Variants in TAF1 observed in about 807,000 individuals in gnomAD.
TAF1 encodes the protein TATA-box binding protein associated factor 1.
In TAF1, 2 loss-of-function variants were observed where a neutral mutation model predicts 138.5. The ratio of observed to expected loss-of-function variants is 0.01; its 90% CI spans 0.01 to 0.05. The LOEUF (loss-of-function observed/expected upper bound fraction) is 0.05. TAF1 is among the 10% of genes least tolerant of loss of function. The probability of loss-of-function intolerance (pLI) is 1.00; values close to 1 mark genes in which losing one functional copy is unlikely to be tolerated. For missense variants in TAF1, 709 were observed against 1,478.0 expected (o/e 0.48, Z 8.53); for synonymous variants, 437 against 503.2 (o/e 0.87, Z 1.76).
chrX:71,454,095 A>T, intron 32 of TAF1, 75 bp from the exon 33 acceptor site: 1 of 915,757 alleles, frequency 1.1e-6, no homozygotes, highest in Non-Finnish European at 1.6e-6. Context: ...ATAATGGGAC[A>T]CACTGCTGAT....
intron 28 of TAF1, among the ~76,000 whole-genome samples, chrX:71,412,051 G>C (rs773044671): frequency 1.8e-5 from 2 of 110,179 alleles, no homozygotes; most frequent in Non-Finnish European, 3.8e-5. Flanking sequence ...GAGCCACCAC[G>C]CCCGGCTGGC....
rs1326654240 is a variant in TAF1 at position 71,375,259 on chromosome X, G to A, written c.445G>A (p.Asp149Asn). The change falls in exon 4 of 38, where the codon GAT becomes AAT. Residue 149 changes from aspartate (D) to asparagine (N), a missense_variant. Coordinates refer to ENST00000423759, the MANE Select transcript of TAF1 (RefSeq NM_004606.5). ...PPPPPGPMKK[D>N]KDQDSITGVS... The stretch of plus-strand genomic sequence containing the variant: ...TCCACCCCCGGGACCAATGAAGAAG[G>A]ATAAGGACCAGGATTCTATTACTGG... The A allele has an allele frequency of 2.5e-6, 3 of 1,207,135 alleles. No homozygotes were observed. The African/African-American group carries it at 5.3e-5, about 21-fold the overall frequency.
chrX:71,425,463 C>T (rs962338453), intron 32 of TAF1, among the ~76,000 whole-genome samples: 1 of 110,928 alleles, frequency 9.0e-6, no homozygotes, highest in Non-Finnish European at 1.9e-5. Context: ...CAAGACCTTC[C>T]TTGTCTGTAT....
At chrX:71,454,003 T>C (rs1001405770) in intron 32 of TAF1, among the ~76,000 whole-genome samples, 167 bp from the exon 33 acceptor site, 1 of 112,253 alleles carries the variant, frequency 8.9e-6, no homozygotes, top group Non-Finnish European at 1.9e-5. Context: ...AGTGTTGTAT[T>C]GCATATGTTT....
At chrX:71,454,136 CA>C (rs1341540706) in intron 32 of TAF1, 33 bp from the exon 33 acceptor site, 1 of 1,160,857 alleles carries the variant, frequency 8.6e-7, no homozygotes, top group Non-Finnish European at 1.2e-6. Flanking sequence ...AACAAGTCTG[CA>C]AAGATAATGG....
chrX:71,513,939 A>G (rs1231931220), intron 13 of TAF1, among the ~76,000 whole-genome samples: 2 of 111,440 alleles, frequency 1.8e-5, no homozygotes, highest in Non-Finnish European at 3.8e-5. Flanking sequence ...AAATGGACCA[A>G]TCAGCAGGAT....
chrX:71,376,250 ATGT>A (rs2033464715), intron 4 of TAF1, among the ~76,000 whole-genome samples: 1 of 111,834 alleles, frequency 8.9e-6, no homozygotes, highest in Admixed American at 9.5e-5. Flanking sequence ...AAGAACCTTA[ATGT>A]TGTCCCGTGG....
chrX:71,483,780 C>CTATATATATATA (rs1556022684), intron 13 of TAF1, among the ~76,000 whole-genome samples: 5 of 37,568 alleles, frequency 1.3e-4, no homozygotes, highest in African/African-American at 2.5e-4. Context: ...CTCTCTCTCT[C>CTATATATATATA]TATATATATA....
At chrX:71,408,234 A>T in intron 28 of TAF1, 83 bp downstream of exon 28, 5 of 1,036,718 alleles carry the variant, frequency 4.8e-6, no homozygotes, top group Non-Finnish European at 6.6e-6. Context: ...ACTAGATTGG[A>T]CTGAGAGGAC....
chrX:71,397,566 T>G, intron 23 of TAF1, 100 bp downstream of exon 23: 1 of 968,489 alleles, frequency 1.0e-6, no homozygotes, highest in East Asian at 3.1e-5. Flanking sequence ...CATTGCAACC[T>G]CCATCTCTCA....
rs1464984108 is a variant in TAF1, at chrX:71,522,954, A to G, written c.1367-5588A>G. 8.3e-5 allele frequency among the ~76,000 whole-genome samples: 9 copies of G among 109,014 alleles called. No individual in the cohort carries two copies. The East Asian group carries it at 1.4e-3, about 17-fold the overall frequency. 94.7% of individuals were successfully genotyped at this position (109,014 alleles called of 115,157 possible). A position where few individuals can be genotyped will look rare whatever the true frequency, so the allele number is the denominator to read the frequency against. Reference sequence around the variant, plus strand: ...CCCAGCACTTTGGGAGGCCGAGGCAAGGAGATCACCTGAGCTCAGGAGTTC... The same window carrying G: ...CCCAGCACTTTGGGAGGCCGAGGCAGGGAGATCACCTGAGCTCAGGAGTTC... On this transcript the variant is annotated intron_variant and NMD_transcript_variant, in intron 13 of 14. Coordinates refer to the TAF1 transcript ENST00000373775.
intron 32 of TAF1, among the ~76,000 whole-genome samples, chrX:71,438,129 GC>G (rs1425649863): frequency 9.0e-6 from 1 of 111,022 alleles, no homozygotes; most frequent in Non-Finnish European, 1.9e-5. Context: ...GAGCCATCAT[GC>G]CCAGCCGTCA....
rs188738606 is a variant in TAF1, at chrX:71,388,629, G to A, written c.2570-109G>A. 6.7e-5 allele frequency: 72 copies of A among 1,068,182 alleles called. No individual in the cohort carries two copies. The Admixed American group carries it at 1.1e-3, about 16-fold the overall frequency. The allele number at this position is 1,068,182 out of a possible 1,213,427, so 88.0% of individuals were successfully genotyped here. ...GTTTTCTTGGCCAGTCATGCCAACT[G>A]TGGCTAGGCCTGTTACAGTTTTGGT... On this transcript the variant is annotated intron_variant, in intron 16 of 37. Coordinates refer to ENST00000423759, the MANE Select transcript of TAF1 (RefSeq NM_004606.5).
chrX:71,519,936 G>C (rs1168837554), intron 13 of TAF1, among the ~76,000 whole-genome samples: 1 of 109,036 alleles, frequency 9.2e-6, no homozygotes, highest in Non-Finnish European at 1.9e-5. Flanking sequence ...CTCCAGAGTA[G>C]CTGGGATTAC....
chrX:71,387,470 G>A lies in TAF1; in HGVS notation c.2427+9G>A. 3.3e-6 allele frequency: 4 copies of A among 1,210,374 alleles called. No homozygotes were observed. The highest frequency in any genetic ancestry group is 4.5e-6 in the Non-Finnish European group (4 of 894,424). ...TTCGAGACTTTCTACAGGTAAGAATGGGAGGATAGGGAGGGGATTGGGTTG... is the reference window on the plus strand; with the variant it reads ...TTCGAGACTTTCTACAGGTAAGAATAGGAGGATAGGGAGGGGATTGGGTTG... On this transcript the variant is annotated intron_variant, in intron 15 of 37. Transcript: ENST00000423759.
chrX:71,442,760 G>A (rs2037494252), intron 32 of TAF1, among the ~76,000 whole-genome samples: 3 of 111,853 alleles, frequency 2.7e-5, no homozygotes, highest in Admixed American at 1.9e-4. Context: ...GAATGGTAAT[G>A]CCTAGGTTTT....
intron 25 of TAF1, among the ~76,000 whole-genome samples, chrX:71,403,802 C>G (rs1305194899): frequency 1.8e-5 from 2 of 110,045 alleles, no homozygotes; most frequent in East Asian, 5.7e-4. Context: ...TTCTGAAATT[C>G]TTTCCTTTGG....
chrX:71,376,919 A>C (rs762646224), intron 4 of TAF1, 31 bp from the exon 5 acceptor site: 41 of 1,204,585 alleles, frequency 3.4e-5, no homozygotes, highest in Non-Finnish European at 4.3e-5. Flanking sequence ...TCACAGTTAC[A>C]TGCCAAAGGG....
chrX:71,495,742 A>T (rs2039384295), intron 13 of TAF1, among the ~76,000 whole-genome samples: 1 of 111,668 alleles, frequency 9.0e-6, no homozygotes, highest in Non-Finnish European at 1.9e-5. Flanking sequence ...AATGAAGTAC[A>T]GCTATTCCAG....
Sources: gnomAD v4.1 joint callset for allele counts (sites outside exome capture counted in the v4.1 genomes callset) on GRCh38, gnomAD v4.1.1 for gene constraint, MANE v1.5 for transcripts, NCBI Gene and HGNC (gene_info 2026-07-23, HGNC 2026-07-21) for gene names.